Variants in MTRES1 observed in about 807,000 individuals in gnomAD.
MTRES1 encodes mitochondrial transcription rescue factor 1.
In MTRES1, 11 loss-of-function variants were observed where a neutral mutation model predicts 17.4. That is an observed-to-expected ratio of 0.63 (90% CI 0.40 to 1.05). The LOEUF is 1.05. Among genes scored for constraint, MTRES1 ranks in the 50% least tolerant of loss-of-function variants. The probability of loss-of-function intolerance (pLI) is 0.00; values close to 1 mark genes in which losing one functional copy is unlikely to be tolerated. For missense variants in MTRES1, 268 were observed against 276.2 expected, an observed-to-expected ratio of 0.97 and a Z score of 0.21; for synonymous variants, 94 against 99.6, an observed-to-expected ratio of 0.94 and a Z score of 0.34.
At chr6:107,047,873 G>A (rs1009735649) in intron 3 of MTRES1, among the ~76,000 whole-genome samples, 5 of 152,038 alleles carry the variant, frequency 3.3e-5, no homozygotes, top group South Asian at 2.1e-4. Context: ...GCAGCAGAGC[G>A]AGACTCCATC....
intron 1 of MTRES1, among the ~76,000 whole-genome samples, chr6:107,038,511 C>A (rs1308402724): frequency 1.3e-5 from 2 of 152,104 alleles, no homozygotes; most frequent in Non-Finnish European, 2.9e-5. Flanking sequence ...GATCTCTAGA[C>A]CCCTTCCTTG....
intron 1 of MTRES1, chr6:107,029,069 A>C (rs1202198130): frequency 5.8e-6 from 1 of 171,902 alleles, no homozygotes; most frequent in Non-Finnish European, 1.2e-5. Context: ...TCTGTCGCCC[A>C]GGCTGGAGTG....
At chr6:107,040,365 T>G in intron 2 of MTRES1, 135 bp downstream of exon 2, 1 of 667,180 alleles carries the variant, frequency 1.5e-6, no homozygotes, top group Non-Finnish European at 2.3e-6. Context: ...CCTGTTTCAA[T>G]TATTTCATTT....
intron 3 of MTRES1, 118 bp downstream of exon 3, chr6:107,044,450 T>G (rs1466947271): frequency 5.3e-6 from 4 of 760,986 alleles, no homozygotes; most frequent in Non-Finnish European, 9.1e-6. Flanking sequence ...AGGTCCTTTG[T>G]GGTCCTCCAC....
chr6:107,051,157 A>T lies in MTRES1; in HGVS notation c.644A>T (p.Lys215Met), dbSNP rs1554229171. Residue 215 changes from lysine (K) to methionine (M), a missense_variant, in exon 4 of 4, where the codon AAG (lysine) becomes ATG (methionine). Transcript: ENST00000311381. ...RILLKKVFEEKTESEKYRVVL... is the reference protein window; with the variant it reads ...RILLKKVFEEMTESEKYRVVL... ...CTCTTGAAAAAAGTGTTTGAAGAGA[A>T]GACTGAAAGTGAAAAATACAGAGTG... 1 of 1,614,174 alleles carries T rather than the reference A, an allele frequency of 6.2e-7. No homozygotes were observed. Among genetic ancestry groups the T allele is most frequent in the Non-Finnish European group, 8.5e-7 (1 of 1,179,996 alleles).
intron 1 of MTRES1, chr6:107,029,942 T>G: frequency 1.6e-6 from 1 of 636,222 alleles, no homozygotes; most frequent in South Asian, 1.9e-5. Context: ...CCTGCTCCAC[T>G]TTCTTCCCCC....
intron 3 of MTRES1, among the ~76,000 whole-genome samples, chr6:107,045,810 C>T (rs1774372165): frequency 6.6e-6 from 1 of 152,196 alleles, no homozygotes; most frequent in South Asian, 2.1e-4. Context: ...ACAAAGGTTC[C>T]AGAGAAGTTA....
intron 3 of MTRES1, among the ~76,000 whole-genome samples, chr6:107,046,629 C>G (rs1774399284): frequency 6.6e-6 from 1 of 152,190 alleles, no homozygotes; most frequent in Admixed American, 6.6e-5. Flanking sequence ...AATGCCTCGC[C>G]TTCCCTGGTC....
At chr6:107,044,553 T>A (rs782172318) in intron 3 of MTRES1, among the ~76,000 whole-genome samples, 15 of 152,322 alleles carry the variant, frequency 9.8e-5, no homozygotes, top group Non-Finnish European at 8.8e-5. Flanking sequence ...TTCTCCCTTT[T>A]AAAATTTTAG....
intron 1 of MTRES1, among the ~76,000 whole-genome samples, chr6:107,029,665 G>T (rs374367498): frequency 2.0e-5 from 3 of 151,436 alleles, no homozygotes. Flanking sequence ...TGTATTTTTA[G>T]TAGAGACGAG....
intron 2 of MTRES1, among the ~76,000 whole-genome samples, chr6:107,042,369 A>G (rs937193585): frequency 4.0e-5 from 6 of 149,012 alleles, no homozygotes; most frequent in Non-Finnish European, 8.8e-5. Flanking sequence ...GTTCATAAAA[A>G]TGAGCCAGCC....
At chr6:107,045,044 C>T (rs546052227) in intron 3 of MTRES1, among the ~76,000 whole-genome samples, 13 of 151,904 alleles carry the variant, frequency 8.6e-5, no homozygotes, top group South Asian at 2.1e-4. Flanking sequence ...AAAAATTAGC[C>T]AGGCGTGGTG....
intron 2 of MTRES1, 128 bp downstream of exon 2, chr6:107,040,358 G>C: frequency 6.7e-6 from 5 of 749,394 alleles, no homozygotes; most frequent in South Asian, 5.4e-5. Context: ...TAGGTAACCT[G>C]TTTCAATTAT....
intron 2 of MTRES1, among the ~76,000 whole-genome samples, chr6:107,042,116 G>A (rs1774238122): frequency 6.6e-6 from 1 of 151,832 alleles, no homozygotes; most frequent in African/African-American, 2.4e-5. Context: ...CAAGGCAGGT[G>A]TATCACGAGG....
chr6:107,048,410 G>A (rs1342118799), intron 3 of MTRES1, among the ~76,000 whole-genome samples: 3 of 151,922 alleles, frequency 2.0e-5, no homozygotes, highest in East Asian at 4.0e-4. Context: ...GATTACAGGT[G>A]TGAGCCACCA....
intron 1 of MTRES1, among the ~76,000 whole-genome samples, chr6:107,029,696 C>T (rs1456592709): frequency 6.6e-6 from 1 of 150,944 alleles, no homozygotes; most frequent in Non-Finnish European, 1.5e-5. Flanking sequence ...GTTGACCAGG[C>T]TGGTCTTGAA....
chr6:107,036,346 C>A (rs6915769), intron 1 of MTRES1, among the ~76,000 whole-genome samples: 1 of 151,614 alleles, frequency 6.6e-6, no homozygotes, highest in African/African-American at 2.4e-5. Flanking sequence ...GAGTTCCAGA[C>A]GAGCCTGACC....
intron 3 of MTRES1, among the ~76,000 whole-genome samples, chr6:107,045,514 A>G (rs1446345904): frequency 6.6e-6 from 1 of 151,834 alleles, no homozygotes; most frequent in African/African-American, 2.4e-5. Flanking sequence ...GTTAGAAAAT[A>G]TTTTTTTGTA....
chr6:107,042,284 G>A (rs1554227860), intron 2 of MTRES1, among the ~76,000 whole-genome samples: 2 of 144,314 alleles, frequency 1.4e-5, no homozygotes. Flanking sequence ...AGCTTGCAGT[G>A]AGCTGAGATC....
Sources: gnomAD v4.1 joint callset for allele counts (sites outside exome capture counted in the v4.1 genomes callset) on GRCh38, gnomAD v4.1.1 for gene constraint, MANE v1.5 for transcripts, NCBI Gene and HGNC (gene_info 2026-07-23, HGNC 2026-07-21) for gene names.